Variants in CABLES1 observed in about 807,000 individuals in gnomAD.
CABLES1 encodes CDK5 and ABL1 enzyme substrate 1.
A neutral mutation model predicts 57.8 loss-of-function variants in CABLES1; 36 were observed. The observed-to-expected ratio is 0.62, with a 90% confidence interval of 0.48 to 0.82. The LOEUF (loss-of-function observed/expected upper bound fraction) is 0.82, where lower values mean the gene tolerates loss of function less well. Ranked by LOEUF, CABLES1 falls within the 40% of genes least tolerant of loss-of-function variation. The pLI, the probability that CABLES1 is intolerant of heterozygous loss-of-function variation, is 0.00. For synonymous variants in CABLES1, 374 were observed against 363.0 expected, an observed-to-expected ratio of 1.03 and a Z score of -0.35; for missense variants, 767 against 836.6, an observed-to-expected ratio of 0.92 and a Z score of 1.03.
chr18:23,163,748 A>C (rs34458571), intron 1 of CABLES1, among the ~76,000 whole-genome samples: 2 of 152,154 alleles, frequency 1.3e-5, no homozygotes, highest in African/African-American at 4.8e-5. Flanking sequence ...GTCATTTAAC[A>C]CCAGGAAGAG....
chr18:23,234,663 A>G lies in CABLES1; in HGVS notation c.1144A>G (p.Ile382Val), dbSNP rs1266944202. The part of the protein sequence containing the change: ...QSTGAVSLKE[I>V]IGLEGVELGA... ...AACTGGTGCAGTGAGTTTGAAAGAG[A>G]TCATTGGTCTGGAAGGTGTGGAGCT... Residue 382 changes from isoleucine to valine, a missense_variant, in exon 5 of 10, where the codon ATC becomes GTC. Ile to Val is a conservative substitution (Grantham distance 29). Around this residue, in one of 4 missense-constraint regions of CABLES1, gnomAD observed 529 missense variants for 622.8 expected, o/e 0.85. Transcript: ENST00000256925. 1 of 1,613,810 alleles carries G rather than the reference A, an allele frequency of 6.2e-7. No homozygotes were observed. The highest frequency in any genetic ancestry group is 1.7e-5 in the Admixed American group (1 of 60,012).
intron 3 of CABLES1, among the ~76,000 whole-genome samples, chr18:23,203,211 G>A (rs929337367): frequency 6.6e-5 from 10 of 152,126 alleles, no homozygotes. Flanking sequence ...GAAGTCATCT[G>A]GGTGTTGAAT....
intron 2 of CABLES1, among the ~76,000 whole-genome samples, chr18:23,193,131 GCCACA>G (rs2047256969): frequency 1.3e-5 from 2 of 151,984 alleles, no homozygotes; most frequent in South Asian, 4.1e-4. Flanking sequence ...CCTCCTGAAA[GCCACA>G]GGAAGCATCT....
intron 1 of CABLES1, among the ~76,000 whole-genome samples, chr18:23,142,351 C>T (rs2046863066): frequency 6.6e-6 from 1 of 152,144 alleles, no homozygotes; most frequent in Non-Finnish European, 1.5e-5. Flanking sequence ...GTTAGGAGGC[C>T]ATCCAAGCAG....
rs115892340 is a variant in CABLES1 at position 23,236,343 on chromosome 18, T to C, written c.1342+292T>C. Among the ~76,000 whole-genome samples the C allele has an allele frequency of 6.8e-3, 1,031 of 151,618 alleles. 12 individuals carry two copies. Among genetic ancestry groups the C allele is most frequent in the African/African-American group, 0.024 (991 of 41,276 alleles). On this transcript the variant is annotated intron_variant, in intron 6 of 9. Transcript: ENST00000256925. ...CTCCCAGCTTCCCTGACCACTCAGCTCCCCCCAACAATGACCTGGTTCTGT... is the reference window on the plus strand; with the variant it reads ...CTCCCAGCTTCCCTGACCACTCAGCCCCCCCCAACAATGACCTGGTTCTGT...
intron 3 of CABLES1, chr18:23,197,391 G>A (rs2047292147): frequency 6.6e-6 from 1 of 151,816 alleles, no homozygotes; most frequent in African/African-American, 2.4e-5. Context: ...TGCGATGGAG[G>A]ATGGAGTTTG....
chr18:23,181,318 AC>A (rs147913742), intron 1 of CABLES1, among the ~76,000 whole-genome samples: 14,393 of 151,680 alleles, frequency 0.095, 1,351 homozygotes, highest in Admixed American at 0.23. Context: ...ACATGGTGAA[AC>A]CCCATCTCTA....
intron 1 of CABLES1, among the ~76,000 whole-genome samples, chr18:23,182,392 G>C (rs74708118): frequency 6.6e-6 from 1 of 152,282 alleles, no homozygotes; most frequent in African/African-American, 2.4e-5. Flanking sequence ...GCTGATGCAG[G>C]AAAGTAAGGT....
At chr18:23,246,586 T>A (rs998555901) in intron 7 of CABLES1, among the ~76,000 whole-genome samples, 3 of 151,250 alleles carry the variant, frequency 2.0e-5, no homozygotes, top group East Asian at 2.0e-4. Flanking sequence ...AGAGATGGGG[T>A]TTCACCGTGT....
chr18:23,193,490 GC>G (rs2047260748), intron 2 of CABLES1, among the ~76,000 whole-genome samples: 1 of 151,308 alleles, frequency 6.6e-6, no homozygotes, highest in Admixed American at 6.6e-5. Flanking sequence ...CCACGCCCCA[GC>G]CCAGAATCTT....
At position 23,193,238 on chromosome 18, in the gene CABLES1, CT is replaced by C. The variant is rs373080237; in HGVS notation, c.918-1209del. 2.5e-3 allele frequency among the ~76,000 whole-genome samples: 373 copies of C among 151,532 alleles called. 1 individual carries two copies. Among genetic ancestry groups the C allele is most frequent in the African/African-American group, 8.5e-3 (351 of 41,214 alleles). The stretch of plus-strand genomic sequence containing the variant: ...ACTGTGTCTCACTCTGTCACCCAGG[CT>C]GGAGCACAGTGGCACGATCTTGGCT... On this transcript the variant is annotated intron_variant, in intron 2 of 9. Transcript: ENST00000256925.
intron 1 of CABLES1, among the ~76,000 whole-genome samples, chr18:23,145,729 G>A (rs1405581472): frequency 6.6e-6 from 1 of 152,126 alleles, no homozygotes; most frequent in Non-Finnish European, 1.5e-5. Flanking sequence ...ATTTTGAAAA[G>A]CCTCTAAGAA....
intron 1 of CABLES1, chr18:23,155,752 C>T (rs1451894616): frequency 7.2e-7 from 1 of 1,379,518 alleles, no homozygotes; most frequent in East Asian, 2.5e-5. Flanking sequence ...CATATTTTCC[C>T]CTATGGCTTT....
At chr18:23,191,771 G>A (rs1380684121) in intron 2 of CABLES1, among the ~76,000 whole-genome samples, 3 of 151,920 alleles carry the variant, frequency 2.0e-5, no homozygotes, top group East Asian at 3.9e-4. Flanking sequence ...TGTTGCAGGC[G>A]GCTGTGAAAT....
At chr18:23,169,580 C>T (rs949411074) in intron 1 of CABLES1, among the ~76,000 whole-genome samples, 1 of 152,206 alleles carries the variant, frequency 6.6e-6, no homozygotes, top group African/African-American at 2.4e-5. Flanking sequence ...GAAGCCCCTT[C>T]CCCCAGCTCA....
At chr18:23,145,952 A>G (rs2046889419) in intron 1 of CABLES1, among the ~76,000 whole-genome samples, 1 of 152,348 alleles carries the variant, frequency 6.6e-6, no homozygotes, top group South Asian at 2.1e-4. Context: ...TGTGTGTGCA[A>G]GAGGGACCCA....
intron 3 of CABLES1, among the ~76,000 whole-genome samples, chr18:23,203,725 C>A (rs2047342748): frequency 6.6e-6 from 1 of 152,168 alleles, no homozygotes; most frequent in Non-Finnish European, 1.5e-5. Context: ...CGGCTCGTTA[C>A]CAGCCCCGGA....
intron 4 of CABLES1, among the ~76,000 whole-genome samples, chr18:23,221,815 A>T (rs1387633401): frequency 1.3e-5 from 2 of 152,196 alleles, no homozygotes; most frequent in East Asian, 3.9e-4. Flanking sequence ...GGTCTCTGCC[A>T]CAGTGGTTCA....
intron 4 of CABLES1, among the ~76,000 whole-genome samples, chr18:23,214,974 A>G (rs2047431548): frequency 6.6e-6 from 1 of 152,166 alleles, no homozygotes; most frequent in Non-Finnish European, 1.5e-5. Context: ...TATTCGATTC[A>G]CCAAGGTCCT....
Sources: allele counts gnomAD v4.1 joint callset (sites outside exome capture counted in the v4.1 genomes callset), GRCh38; gene constraint gnomAD v4.1.1; regional missense constraint gnomAD v4.1.1; transcripts MANE v1.5; gene names NCBI Gene and HGNC (gene_info 2026-07-23, HGNC 2026-07-21).